NSD1: variants seen among roughly 807,000 people sequenced by gnomAD.
NSD1 encodes histone-lysine N-methyltransferase, H3 lysine-36 specific.
NSD1 carries 26 observed loss-of-function variants against 242.7 expected under a neutral mutation model. The observed-to-expected ratio is 0.11, with a 90% CI of 0.08 to 0.15. The LOEUF (loss-of-function observed/expected upper bound fraction) is 0.15. NSD1 is among the 10% of genes least tolerant of loss of function. The pLI, the probability that NSD1 is intolerant of heterozygous loss-of-function variation, is 1.00. For synonymous variants in NSD1, 1,106 were observed against 1,178.1 expected, an observed-to-expected ratio of 0.94 and a Z score of 1.25; for missense variants, 2,495 against 3,272.8, an observed-to-expected ratio of 0.76 and a Z score of 5.80.
chr5:177,235,670 C>T, intron 5 of NSD1, 151 bp from the exon 6 acceptor site: 1 of 940,022 alleles, frequency 1.1e-6, no homozygotes, highest in Non-Finnish European at 1.6e-6. Context: ...AAAACATAAG[C>T]CATTTTGTGC....
intron 5 of NSD1, among the ~76,000 whole-genome samples, chr5:177,213,714 G>A (rs951286346): frequency 1.1e-4 from 16 of 152,072 alleles, no homozygotes; most frequent in South Asian, 2.1e-4. Context: ...CTTGTGATCC[G>A]CCCGCCTCCA....
chr5:177,137,563 C>G (rs1463497206), intron 2 of NSD1, among the ~76,000 whole-genome samples: 1 of 152,064 alleles, frequency 6.6e-6, no homozygotes, highest in Non-Finnish European at 1.5e-5. Context: ...TCTGAATTGT[C>G]CTACACATTA....
In NSD1 at chr5:177,210,797, A is replaced by G. The variant is rs1032585383; in HGVS notation, c.2398A>G (p.Met800Val). ...GTGCAAACACAAAGAAAATCCAGTT[A>G]TGGCAGAACCCCCAGTTATAAATGA... is the stretch of plus-strand genomic sequence containing the variant. ...IKCKHKENPV[M>V]AEPPVINEEC... The change falls in exon 5 of 23, where the codon ATG becomes GTG. Residue 800 changes from methionine to valine, a missense_variant. Physicochemically the swap from Met to Val is conservative, Grantham distance 21 (BLOSUM62 1). This residue lies in a region of NSD1 where 515 missense variants were observed against 467.0 expected (regional missense o/e 1.10). Coordinates refer to ENST00000439151, the MANE Select transcript of NSD1 (RefSeq NM_022455.5). 6.2e-7 allele frequency: 1 copy of G among 1,614,208 alleles called. No individual in the cohort carries two copies.
chr5:177,179,393 T>G (rs142620754), intron 2 of NSD1, among the ~76,000 whole-genome samples: 17 of 152,288 alleles, frequency 1.1e-4, no homozygotes, highest in Admixed American at 7.8e-4. Flanking sequence ...TTTTGTGTTT[T>G]TAGTAGAAAC....
intron 3 of NSD1, among the ~76,000 whole-genome samples, chr5:177,196,456 G>GGTA (rs1275668726): frequency 7.2e-5 from 11 of 152,190 alleles, no homozygotes; most frequent in African/African-American, 2.7e-4. Flanking sequence ...CAGATGAGGA[G>GGTA]GTAAAATGCA....
intron 2 of NSD1, among the ~76,000 whole-genome samples, chr5:177,144,231 T>C (rs890443041): frequency 2.6e-5 from 4 of 152,066 alleles, no homozygotes; most frequent in African/African-American, 9.7e-5. Flanking sequence ...TTTTTTTTTT[T>C]TTCTTTCTGA....
intron 2 of NSD1, among the ~76,000 whole-genome samples, chr5:177,168,903 CAG>C (rs1422127321): frequency 6.6e-6 from 1 of 152,156 alleles, no homozygotes; most frequent in Non-Finnish European, 1.5e-5. Context: ...TAGTCAGTTG[CAG>C]AGAGGTCAGG....
rs1764943508 is a variant in NSD1, at chr5:177,230,120, T to C, written c.3797-5701T>C. Among the ~76,000 whole-genome samples the C allele has an allele frequency of 2.6e-5, 4 of 152,006 alleles. No homozygotes were observed. The South Asian group carries it at 8.3e-4, about 31-fold the overall frequency. On this transcript the variant is annotated intron_variant, in intron 5 of 22. Transcript: ENST00000439151. ...ACAATATGTTACTCTATTTGTGTTT[T>C]ATTTTTATTTTTTATTTTTTAGACG...
intron 2 of NSD1, among the ~76,000 whole-genome samples, chr5:177,154,753 T>G (rs1290264679): frequency 6.6e-6 from 1 of 152,168 alleles, no homozygotes; most frequent in Non-Finnish European, 1.5e-5. Flanking sequence ...TGGAATGCAA[T>G]GGTGCGATCT....
At chr5:177,265,258 TAAA>T in intron 14 of NSD1, 1 of 726,718 alleles carries the variant, frequency 1.4e-6, no homozygotes, top group Non-Finnish European at 2.5e-6. Flanking sequence ...TTAAAAAAAA[TAAA>T]AGACCTCTGG....
upstream of NSD1, chr5:177,133,755 TG>T (rs1218539413): frequency 1.5e-5 from 2 of 135,408 alleles, no homozygotes; most frequent in African/African-American, 5.5e-5. The surrounding 1 kb of genome is among the most constrained non-coding windows in gnomAD (Gnocchi z 6.2). Context: ...GCGCGCGCGG[TG>T]GGGGTGTGAG....
intron 6 of NSD1, among the ~76,000 whole-genome samples, chr5:177,237,531 C>CTT (rs35657331): frequency 0.046 from 5,652 of 123,072 alleles, 350 homozygotes; most frequent in African/African-American, 0.12. Context: ...ATTATTTTAT[C>CTT]TTTTTTTTTT....
intron 2 of NSD1, among the ~76,000 whole-genome samples, chr5:177,183,243 A>G (rs888498742): frequency 3.9e-5 from 6 of 152,200 alleles, no homozygotes; most frequent in Non-Finnish European, 5.9e-5. Context: ...ATATAATGCT[A>G]TTGTACACAG....
chr5:177,161,680 C>T lies in NSD1; in HGVS notation c.927+25650C>T, dbSNP rs1213803766. ...AAACCTGTTTTCTGTTTCTTTCTTT[C>T]TTTTTTTTTTTTTTTGTTTTTGTTT... On this transcript the variant is annotated intron_variant, in intron 2 of 22. Coordinates refer to ENST00000439151, the MANE Select transcript of NSD1 (RefSeq NM_022455.5). Among the ~76,000 whole-genome samples, 6 of 135,254 alleles carry T rather than the reference C, an allele frequency of 4.4e-5. No individual in the cohort carries two copies. The East Asian group carries it at 6.5e-4, about 15-fold the overall frequency. The allele number at this position is 135,254 out of a possible 152,430, so 88.7% of individuals were successfully genotyped here. A position where few individuals can be genotyped will look rare whatever the true frequency, so the allele number is the denominator to read the frequency against.
chr5:177,252,796 C>CT (rs149731842), intron 12 of NSD1, among the ~76,000 whole-genome samples: 12,856 of 132,456 alleles, frequency 0.097, 1,132 homozygotes, highest in African/African-American at 0.21. Context: ...TCTCTCTCTC[C>CT]CTTTTTTTTT....
chr5:177,274,781 T>A (rs1581510814), intron 17 of NSD1, among the ~76,000 whole-genome samples: 1 of 152,184 alleles, frequency 6.6e-6, no homozygotes, highest in African/African-American at 2.4e-5. Flanking sequence ...TCTCCTAGGC[T>A]GGAGTGCAGT....
At chr5:177,266,345 C>G (rs1371050738) in intron 14 of NSD1, 5 of 708,804 alleles carry the variant, frequency 7.1e-6, no homozygotes, top group Non-Finnish European at 1.3e-5. Context: ...ACACTCGATG[C>G]CGATGACCTT....
At chr5:177,268,084 T>C (rs1757658024) in intron 15 of NSD1, among the ~76,000 whole-genome samples, 2 of 151,534 alleles carry the variant, frequency 1.3e-5, no homozygotes, top group African/African-American at 4.9e-5. Flanking sequence ...AAATAACTGT[T>C]TTTACAGATT....
At chr5:177,156,754 G>T (rs182807616) in intron 2 of NSD1, among the ~76,000 whole-genome samples, 12 of 152,202 alleles carry the variant, frequency 7.9e-5, no homozygotes, top group Admixed American at 7.9e-4. Context: ...AAATTTAAAG[G>T]CATGGTGGTG....
Sources: allele counts gnomAD v4.1 joint callset (sites outside exome capture counted in the v4.1 genomes callset), GRCh38; gene constraint gnomAD v4.1.1; regional missense constraint gnomAD v4.1.1; non-coding constraint Gnocchi (gnomAD v3.1); transcripts MANE v1.5; gene names NCBI Gene and HGNC (gene_info 2026-07-23, HGNC 2026-07-21).